Variants in FAM81B observed in about 807,000 individuals in gnomAD.
FAM81B encodes the protein protein FAM81B.
FAM81B carries 60 observed loss-of-function variants against 58.7 expected under a neutral mutation model. That is an observed-to-expected ratio of 1.02 (90% CI 0.83 to 1.27). The LOEUF (loss-of-function observed/expected upper bound fraction) is 1.27, where lower values mean the gene tolerates loss of function less well. Ranked by LOEUF, FAM81B falls within the 50% of genes most tolerant of loss-of-function variation. The pLI, the probability that FAM81B is intolerant of heterozygous loss-of-function variation, is 0.00. For synonymous variants in FAM81B, 189 were observed against 179.6 expected, an observed-to-expected ratio of 1.05 and a Z score of -0.42; for missense variants, 491 against 522.0, an observed-to-expected ratio of 0.94 and a Z score of 0.58.
At chr5:95,427,617 ATATT>A (rs1762882575) in intron 5 of FAM81B, among the ~76,000 whole-genome samples, 2 of 152,234 alleles carry the variant, frequency 1.3e-5, no homozygotes, top group African/African-American at 2.4e-5. Context: ...AAAGCAAACA[ATATT>A]TATATCACTT....
chr5:95,419,923 C>G (rs1762632826), intron 4 of FAM81B, among the ~76,000 whole-genome samples: 1 of 152,168 alleles, frequency 6.6e-6, no homozygotes, highest in Non-Finnish European at 1.5e-5. Flanking sequence ...CAACGGCAAC[C>G]CATGACCATA....
intron 7 of FAM81B, among the ~76,000 whole-genome samples, chr5:95,445,514 T>G (rs1404856996): frequency 1.3e-5 from 2 of 152,162 alleles, no homozygotes; most frequent in African/African-American, 4.8e-5. Flanking sequence ...ACTTCTCAAC[T>G]GATGATATAT....
At chr5:95,447,203 C>T (rs769950014) in intron 8 of FAM81B, among the ~76,000 whole-genome samples, 1 of 152,154 alleles carries the variant, frequency 6.6e-6, no homozygotes, top group Non-Finnish European at 1.5e-5. Context: ...TCAGGGGTCC[C>T]CTCTCCCACT....
chr5:95,441,561 C>T (rs990055662), intron 7 of FAM81B, among the ~76,000 whole-genome samples: 4 of 151,584 alleles, frequency 2.6e-5, no homozygotes, highest in African/African-American at 7.3e-5. Context: ...GAGTGAGACT[C>T]TGTATCTAAA....
At position 95,427,356 on chromosome 5, in the gene FAM81B, A is replaced by G. The variant is rs575621139; in HGVS notation, c.657-1247A>G. Among the ~76,000 whole-genome samples the G allele has an allele frequency of 1.1e-4, 16 of 152,328 alleles. No individual in the cohort carries two copies. In the South Asian group the frequency reaches 3.1e-3, roughly 30 times the overall value. On this transcript the variant is annotated intron_variant, in intron 5 of 9. Coordinates refer to ENST00000283357, the MANE Select transcript of FAM81B (RefSeq NM_152548.3). ...ATGCAAAGGTGTAAAACATCTTTTG[A>G]TCAGGAATTTTGTGCGTACCATCCT... is the stretch of plus-strand genomic sequence containing the variant.
chr5:95,407,582 A>T (rs1351721802), intron 3 of FAM81B, among the ~76,000 whole-genome samples: 1 of 152,212 alleles, frequency 6.6e-6, no homozygotes, highest in African/African-American at 2.4e-5. Flanking sequence ...GAGATGCCAT[A>T]TACTAAATCC....
chr5:95,409,357 C>G (rs1444732596), intron 3 of FAM81B, among the ~76,000 whole-genome samples: 1 of 151,952 alleles, frequency 6.6e-6, no homozygotes, highest in East Asian at 1.9e-4. Flanking sequence ...TGGGGTTTCA[C>G]CATGTTGGCC....
chr5:95,426,984 G>T (rs1463066897), intron 5 of FAM81B, among the ~76,000 whole-genome samples: 1 of 152,188 alleles, frequency 6.6e-6, no homozygotes, highest in Non-Finnish European at 1.5e-5. Context: ...GGGAGGCGGA[G>T]CTTGCAGTGA....
At chr5:95,415,640 T>G (rs567238243) in intron 4 of FAM81B, among the ~76,000 whole-genome samples, 1 of 152,168 alleles carries the variant, frequency 6.6e-6, no homozygotes, top group Non-Finnish European at 1.5e-5. Context: ...TTGAAATGAC[T>G]AGAAAATCAA....
Position 95,391,514 on chromosome 5 carries a change from G to T in FAM81B, c.124+1G>T, listed in dbSNP as rs1331000567. 1.2e-6 allele frequency: 2 copies of T among 1,612,442 alleles called. No homozygotes were observed. Among genetic ancestry groups the T allele is most frequent in the Non-Finnish European group, 1.7e-6 (2 of 1,179,236 alleles). On this transcript the variant is annotated splice_donor_variant, in intron 1 of 9. Transcript: ENST00000283357. LOFTEE classifies it high-confidence loss of function. ...GGAAAAGCAAGCATCATGAGTTCAG[G>T]TACTTATGGACTATTCGAGGTCTCT... is the stretch of plus-strand genomic sequence containing the variant.
In FAM81B at chr5:95,392,809, A is replaced by C; in HGVS notation, c.140A>C (p.Lys47Thr). ...SIMSSDTNVN[K>T]SASPTATAEE... ...GGTTACCTAGATACAAATGTAAACAAAAGTGCCTCTCCAACTGCGACTGCA... is the reference window on the plus strand; with the variant it reads ...GGTTACCTAGATACAAATGTAAACACAAGTGCCTCTCCAACTGCGACTGCA... Residue 47 changes from lysine to threonine, a missense_variant, in exon 2 of 10, where the codon AAA (lysine) becomes ACA (threonine). By Grantham distance (78) the Lys-to-Thr change is moderately conservative (BLOSUM62 -1). Transcript: ENST00000283357. 1 of 1,610,426 alleles carries C rather than the reference A, an allele frequency of 6.2e-7. No individual in the cohort carries two copies. Among genetic ancestry groups the C allele is most frequent in the Non-Finnish European group, 8.5e-7 (1 of 1,178,194 alleles).
intron 8 of FAM81B, among the ~76,000 whole-genome samples, chr5:95,448,044 C>T (rs1745650276): frequency 6.6e-6 from 1 of 152,128 alleles, no homozygotes; most frequent in Non-Finnish European, 1.5e-5. Flanking sequence ...GGCCACGCTA[C>T]AGCCCTTTTC....
intron 5 of FAM81B, among the ~76,000 whole-genome samples, chr5:95,427,406 T>A (rs986343775): frequency 6.6e-6 from 1 of 152,054 alleles, no homozygotes; most frequent in Admixed American, 6.5e-5. Context: ...TCAGACTAAT[T>A]CCTAATTTTT....
At chr5:95,407,617 C>T (rs1762291262) in intron 3 of FAM81B, among the ~76,000 whole-genome samples, 1 of 152,156 alleles carries the variant, frequency 6.6e-6, no homozygotes. Flanking sequence ...TCCCCCAAAA[C>T]CTAACTGTTT....
At chr5:95,436,252 T>C (rs916919036) in intron 6 of FAM81B, among the ~76,000 whole-genome samples, 1 of 152,224 alleles carries the variant, frequency 6.6e-6, no homozygotes, top group African/African-American at 2.4e-5. Context: ...CCCTAAGTCA[T>C]TTCACTTGGG....
At chr5:95,446,191 C>T (rs1338057675) in intron 7 of FAM81B, among the ~76,000 whole-genome samples, 1 of 152,156 alleles carries the variant, frequency 6.6e-6, no homozygotes, top group Non-Finnish European at 1.5e-5. Flanking sequence ...TAATCCCCAC[C>T]ACAAGGGAAC....
intron 9 of FAM81B, chr5:95,448,706 T>TC (rs762720464): frequency 2.3e-4 from 114 of 502,426 alleles, no homozygotes; most frequent in African/African-American, 2.1e-3. Flanking sequence ...TTTTTTTTTT[T>TC]TTTTTTTTAC....
At chr5:95,405,695 T>C (rs1001196555) in intron 3 of FAM81B, among the ~76,000 whole-genome samples, 4 of 152,178 alleles carry the variant, frequency 2.6e-5, no homozygotes, top group African/African-American at 9.7e-5. Context: ...CCCTGGGCAT[T>C]TCAGCCAGAT....
chr5:95,428,546 T>C (rs1762910940), intron 5 of FAM81B, 57 bp from the exon 6 acceptor site: 3 of 1,600,496 alleles, frequency 1.9e-6, no homozygotes, highest in East Asian at 4.5e-5. Flanking sequence ...GTGTCTACTA[T>C]AGTGTTAAAA....
Sources: gnomAD v4.1 joint callset for allele counts (sites outside exome capture counted in the v4.1 genomes callset) on GRCh38, gnomAD v4.1.1 for gene constraint, MANE v1.5 for transcripts, NCBI Gene and HGNC (gene_info 2026-07-23, HGNC 2026-07-21) for gene names.